Variants in ZNF776 observed in about 807,000 individuals in gnomAD.
ZNF776 encodes the protein zinc finger protein 776.
Under a neutral mutation model 7.0 loss-of-function variants are expected in ZNF776, and 4 were observed. The observed-to-expected ratio is 0.57, with a 90% CI of 0.28 to 1.31. The LOEUF is 1.31. Ranked by LOEUF, ZNF776 falls within the 50% of genes most tolerant of loss-of-function variation. The probability of loss-of-function intolerance (pLI) is 0.10; values close to 1 mark genes in which losing one functional copy is unlikely to be tolerated. For synonymous variants in ZNF776, 212 were observed against 213.7 expected, an observed-to-expected ratio of 0.99 and a Z score of 0.07; for missense variants, 555 against 625.9, an observed-to-expected ratio of 0.89 and a Z score of 1.21.
At position 57,753,652 on chromosome 19, in the gene ZNF776, G is replaced by A; in HGVS notation, c.522G>A (p.Leu174=). 24 of 1,614,022 alleles carry A rather than the reference G, an allele frequency of 1.5e-5. No individual in the cohort carries two copies. The highest frequency in any genetic ancestry group is 2.0e-5 in the Non-Finnish European group (24 of 1,180,000). The change falls in exon 3 of 3, where the codon TTG becomes TTA. Residue 174 remains leucine (L), a synonymous_variant. Transcript: ENST00000317178. ...TTCATGAGGTTGGGAAAGACTTTTT[G>A]TCCAGCTTGAGATTACTCCAACAAG... is the stretch of plus-strand genomic sequence containing the variant. ...FIFHEVGKDF[L]SSLRLLQQED... is the part of the protein sequence containing the mutation.
Position 57,757,570 on chromosome 19 carries a change from T to TA in ZNF776, c.*2887dup, listed in dbSNP as rs1333686607. On this transcript the variant is annotated 3_prime_UTR_variant, in exon 3 of 3. Coordinates refer to ENST00000317178, the MANE Select transcript of ZNF776 (RefSeq NM_173632.4). Reference sequence around the variant, plus strand: ...GTGATGAGAGTTAGGAGAGTCAATGTAAAATCACATAACCTATTTGTCAAA... The same window carrying TA: ...GTGATGAGAGTTAGGAGAGTCAATGTAAAAATCACATAACCTATTTGTCAAA... The TA allele has an allele frequency of 1.3e-5, 2 of 152,254 alleles. No individual in the cohort carries two copies. Among genetic ancestry groups the TA allele is most frequent in the African/African-American group, 2.4e-5 (1 of 41,472 alleles). 9.4% of individuals were successfully genotyped at this position (152,254 alleles called of 1,614,324 possible).
Position 57,754,108 on chromosome 19 carries a change from G to A in ZNF776, c.978G>A (p.Gly326=), listed in dbSNP as rs537355242. ...GERPYECDEC[G]KSFSHKRSLV... ...GACCTTATGAATGTGACGAATGTGGGAAATCTTTTAGCCATAAGCGCAGCC... is the reference window on the plus strand; with the variant it reads ...GACCTTATGAATGTGACGAATGTGGAAAATCTTTTAGCCATAAGCGCAGCC... Residue 326 remains glycine (G), a synonymous_variant, in exon 3 of 3, where the codon GGG becomes GGA. Coordinates refer to ENST00000317178, the MANE Select transcript of ZNF776 (RefSeq NM_173632.4). 1 of 1,613,884 alleles carries A rather than the reference G, an allele frequency of 6.2e-7. No individual in the cohort carries two copies. The highest frequency in any genetic ancestry group is 2.2e-5 in the East Asian group (1 of 44,866).
chr19:57,750,748 G>A, intron 1 of ZNF776, 37 bp from the exon 2 acceptor site: 1 of 1,597,580 alleles, frequency 6.3e-7, no homozygotes, highest in Admixed American at 1.7e-5. Flanking sequence ...ATGAGCATAT[G>A]GAGTGTTTGT....
chr19:57,747,414 A>G (rs754699079), intron 1 of ZNF776, among the ~76,000 whole-genome samples: 5 of 152,128 alleles, frequency 3.3e-5, no homozygotes, highest in African/African-American at 4.8e-5. Flanking sequence ...TCACCCTGAG[A>G]ACGCTGGAAG....
rs1206419969 is a variant in ZNF776, at chr19:57,756,899, CT to C, written c.*2213del. 4.4e-6 allele frequency: 2 copies of C among 454,782 alleles called. No individual in the cohort carries two copies. The highest frequency in any genetic ancestry group is 8.8e-6 in the Non-Finnish European group (2 of 226,414). The allele number at this position is 454,782 out of a possible 1,614,324, so 28.2% of individuals were successfully genotyped here. On this transcript the variant is annotated 3_prime_UTR_variant, in exon 3 of 3. Coordinates refer to ENST00000317178, the MANE Select transcript of ZNF776 (RefSeq NM_173632.4). ...AAATGATGTCACTCTGAAACTCAGG[CT>C]GGAATACACTGGCATGGTCATACCT...
chr19:57,746,897 G>C lies in ZNF776; in HGVS notation c.-162G>C. 1.6e-6 allele frequency: 1 copy of C among 630,642 alleles called. No individual in the cohort carries two copies. Among genetic ancestry groups the C allele is most frequent in the African/African-American group, 1.8e-5 (1 of 54,546 alleles). 39.1% of individuals were successfully genotyped at this position (630,642 alleles called of 1,614,324 possible). ...GGTCGTGTAGAAGTGACTGAACCCA[G>C]AAGGTGGAGACGAGACGTTGTCCCG... On this transcript the variant is annotated 5_prime_UTR_variant, in exon 1 of 3. Coordinates refer to ENST00000317178, the MANE Select transcript of ZNF776 (RefSeq NM_173632.4).
chr19:57,754,773 T>C lies in ZNF776; in HGVS notation c.*86T>C. The C allele has an allele frequency of 1.4e-6, 2 of 1,405,952 alleles. No individual in the cohort carries two copies. Among genetic ancestry groups the C allele is most frequent in the East Asian group, 2.3e-5 (1 of 43,268 alleles). 87.1% of individuals were successfully genotyped at this position (1,405,952 alleles called of 1,614,324 possible). A position where few individuals can be genotyped will look rare whatever the true frequency, so the allele number is the denominator to read the frequency against. On this transcript the variant is annotated 3_prime_UTR_variant, in exon 3 of 3. Coordinates refer to ENST00000317178, the MANE Select transcript of ZNF776 (RefSeq NM_173632.4). The stretch of plus-strand genomic sequence containing the variant: ...GGAAAGCACTTATGAGTATGGAGAA[T>C]GTGCAAAATCATCTAGCCAAAAGGT...
rs368418857 is a variant in ZNF776, at chr19:57,756,261, G to A, written c.*1574G>A. On this transcript the variant is annotated 3_prime_UTR_variant, in exon 3 of 3. Coordinates refer to ENST00000317178, the MANE Select transcript of ZNF776 (RefSeq NM_173632.4). ...TCATGATTGTCATGATTCTTAAAAT[G>A]GAATTTTCCAGCCTCTTAACTCACC... 2.2e-5 allele frequency: 2 copies of A among 91,814 alleles called. No individual in the cohort carries two copies. Among genetic ancestry groups the A allele is most frequent in the East Asian group, 3.5e-4 (1 of 2,890 alleles). The allele number at this position is 91,814 out of a possible 1,614,324, so 5.7% of individuals were successfully genotyped here.
In ZNF776 at chr19:57,756,457, C is replaced by G. The variant is rs1213119052; in HGVS notation, c.*1770C>G. 6.5e-6 allele frequency: 1 copy of G among 153,592 alleles called. No individual in the cohort carries two copies. The highest frequency in any genetic ancestry group is 1.4e-5 in the Non-Finnish European group (1 of 69,078). The allele number at this position is 153,592 out of a possible 1,614,324, so 9.5% of individuals were successfully genotyped here. A position where few individuals can be genotyped will look rare whatever the true frequency, so the allele number is the denominator to read the frequency against. On this transcript the variant is annotated 3_prime_UTR_variant, in exon 3 of 3. Coordinates refer to ENST00000317178, the MANE Select transcript of ZNF776 (RefSeq NM_173632.4). The stretch of plus-strand genomic sequence containing the variant: ...TCTGGTACCATGAAGGATTCTGGTA[C>G]CATGAAAGTTTGTTGGGGTTACTAA...
At chr19:57,753,154 A>G in intron 2 of ZNF776, 137 bp from the exon 3 acceptor site, 2 of 778,368 alleles carry the variant, frequency 2.6e-6, no homozygotes, top group African/African-American at 1.7e-5. Flanking sequence ...TTCATAAAGC[A>G]TGTGGGTGCT....
rs2122525798 is a variant in ZNF776, at chr19:57,755,675, AGCT to A, written c.*991_*993del. On this transcript the variant is annotated 3_prime_UTR_variant, in exon 3 of 3. Transcript: ENST00000317178. ...CTATATTGAATGTCATATGTCCAGTAGCTGCATAAATTCCAGGTATATGGGAGC... is the reference window on the plus strand; with the variant it reads ...CTATATTGAATGTCATATGTCCAGTAGCATAAATTCCAGGTATATGGGAGC... 6.6e-6 allele frequency: 1 copy of A among 152,382 alleles called. No individual in the cohort carries two copies. 9.4% of individuals were successfully genotyped at this position (152,382 alleles called of 1,614,324 possible).
Position 57,758,023 on chromosome 19 carries a change from AGTTCAT to A in ZNF776, c.*3337_*3342del. ...CATTCATCAATCATGATATATGAGT[AGTTCAT>A]TCTTTTTATCTTAGAATATGACATG... On this transcript the variant is annotated 3_prime_UTR_variant, in exon 3 of 3. Coordinates refer to ENST00000317178, the MANE Select transcript of ZNF776 (RefSeq NM_173632.4). 1 of 152,306 alleles carries A rather than the reference AGTTCAT, an allele frequency of 6.6e-6. No individual in the cohort carries two copies. Among genetic ancestry groups the A allele is most frequent in the African/African-American group, 2.4e-5 (1 of 41,556 alleles). 9.4% of individuals were successfully genotyped at this position (152,306 alleles called of 1,614,324 possible).
In ZNF776 at chr19:57,753,925, G is replaced by T; in HGVS notation, c.795G>T (p.Gln265His). 2.5e-6 allele frequency: 4 copies of T among 1,614,254 alleles called. No individual in the cohort carries two copies. The highest frequency in any genetic ancestry group is 3.4e-6 in the Non-Finnish European group (4 of 1,180,048). The change falls in exon 3 of 3, where the codon CAG (glutamine) becomes CAT (histidine). Residue 265 changes from glutamine to histidine, a missense_variant. By Grantham distance (24) the Gln-to-His change is conservative. Transcript: ENST00000317178. ...QGVRTGKRPY[Q>H]CGQCDESFWY... is the part of the protein sequence containing the mutation. ...TTCGCACTGGAAAAAGACCTTATCA[G>T]TGTGGACAATGTGATGAATCATTTT...
chr19:57,756,883 C>T lies in ZNF776; in HGVS notation c.*2196C>T, dbSNP rs1288952897. ...TTTTATTTTTTTAGGGAAATGATGT[C>T]ACTCTGAAACTCAGGCTGGAATACA... On this transcript the variant is annotated 3_prime_UTR_variant, in exon 3 of 3. Transcript: ENST00000317178. The T allele has an allele frequency of 2.2e-6, 1 of 455,382 alleles. No homozygotes were observed. 28.2% of individuals were successfully genotyped at this position (455,382 alleles called of 1,614,324 possible).
At chr19:57,748,316 G>A (rs1048663950) in intron 1 of ZNF776, among the ~76,000 whole-genome samples, 1 of 152,188 alleles carries the variant, frequency 6.6e-6, no homozygotes, top group African/African-American at 2.4e-5. Flanking sequence ...CTGTAGCTAT[G>A]GAAGCTGCAT....
chr19:57,747,193 G>T, intron 1 of ZNF776, 102 bp downstream of exon 1: 2 of 1,342,680 alleles, frequency 1.5e-6, no homozygotes, highest in Non-Finnish European at 2.0e-6. Context: ...CCCTGAACCC[G>T]GCGTCGGGAC....
rs752905919 is a variant in ZNF776 at position 57,754,731 on chromosome 19, A to AT, written c.*46dup. On this transcript the variant is annotated 3_prime_UTR_variant, in exon 3 of 3. Coordinates refer to ENST00000317178, the MANE Select transcript of ZNF776 (RefSeq NM_173632.4). Reference sequence around the variant, plus strand: ...GGTAAAAAGAGCACCCTCATTCAACATTCGTGAGATCACACTGGAAAGCAC... The same window carrying AT: ...GGTAAAAAGAGCACCCTCATTCAACATTTCGTGAGATCACACTGGAAAGCAC... 3.2e-6 allele frequency: 5 copies of AT among 1,570,090 alleles called. No homozygotes were observed. In the African/African-American group the frequency reaches 6.8e-5, roughly 21 times the overall value.
intron 2 of ZNF776, 121 bp downstream of exon 2, chr19:57,751,032 TC>T: frequency 8.1e-7 from 1 of 1,228,676 alleles, no homozygotes; most frequent in African/African-American, 1.5e-5. Flanking sequence ...CTCTGTTAGT[TC>T]CCTGGGTAGG....
At chr19:57,753,134 C>T (rs1986655262) in intron 2 of ZNF776, 157 bp from the exon 3 acceptor site, 6 of 673,658 alleles carry the variant, frequency 8.9e-6, no homozygotes, top group Non-Finnish European at 1.5e-5. Flanking sequence ...GTGCAAACAT[C>T]TAAAGGACCT....
Sources: allele counts gnomAD v4.1 joint callset (sites outside exome capture counted in the v4.1 genomes callset), GRCh38; gene constraint gnomAD v4.1.1; transcripts MANE v1.5; gene names NCBI Gene and HGNC (gene_info 2026-07-23, HGNC 2026-07-21).